KCNIP4: variants seen among roughly 807,000 people sequenced by gnomAD.
KCNIP4 encodes Kv channel-interacting protein 4.
A neutral mutation model predicts 34.0 loss-of-function variants in KCNIP4; 12 were observed. The observed-to-expected ratio is 0.35, with a 90% CI of 0.23 to 0.57. The LOEUF is 0.57. KCNIP4 is among the 20% of genes least tolerant of loss of function. The probability of loss-of-function intolerance (pLI) is 0.83; values close to 1 mark genes in which losing one functional copy is unlikely to be tolerated. For synonymous variants in KCNIP4, 124 were observed against 102.2 expected, an observed-to-expected ratio of 1.21 and a Z score of -1.29; for missense variants, 238 against 311.7, an observed-to-expected ratio of 0.76 and a Z score of 1.78.
At chr4:20,869,054 G>A (rs1232338963) in intron 2 of KCNIP4, among the ~76,000 whole-genome samples, 1 of 152,110 alleles carries the variant, frequency 6.6e-6, no homozygotes, top group African/African-American at 2.4e-5. Context: ...TAATTCATAA[G>A]ATGTTACTGT....
At chr4:21,270,563 T>C (rs750000665) in intron 1 of KCNIP4, among the ~76,000 whole-genome samples, 7 of 152,352 alleles carry the variant, frequency 4.6e-5, no homozygotes, top group East Asian at 3.9e-4. Context: ...ATGATAATTA[T>C]GTATGAAGAA....
rs79654493 is a variant in KCNIP4, at chr4:21,874,477, T to C, written c.61+74094A>G. Among the ~76,000 whole-genome samples, 1,321 of 152,268 alleles carry C rather than the reference T, an allele frequency of 8.7e-3. 15 individuals are homozygous for C. Among genetic ancestry groups the C allele is most frequent in the South Asian group, 0.031 (152 of 4,826 alleles). Reference sequence around the variant, plus strand: ...ACATTAGAATGTATGTTCTCTGGGATCTGACCCACAGAGGGAGAGAGAATG... The same window carrying C: ...ACATTAGAATGTATGTTCTCTGGGACCTGACCCACAGAGGGAGAGAGAATG... On this transcript the variant is annotated intron_variant, in intron 1 of 8. Transcript: ENST00000382152.
rs1033171610 is a variant in KCNIP4, at chr4:21,791,482, T to C, written c.61+157089A>G. 6.6e-5 allele frequency among the ~76,000 whole-genome samples: 10 copies of C among 152,096 alleles called. No homozygotes were observed. In the East Asian group the frequency reaches 1.9e-3, roughly 30 times the overall value. ...ATTTGAAGAAGAAAAGGAGGAAGAATGGGAAGGGTGCTGCTTTTAGAAATT... is the reference window on the plus strand; with the variant it reads ...ATTTGAAGAAGAAAAGGAGGAAGAACGGGAAGGGTGCTGCTTTTAGAAATT... On this transcript the variant is annotated intron_variant, in intron 1 of 8. Coordinates refer to ENST00000382152, the MANE Select transcript of KCNIP4 (RefSeq NM_025221.6).
At chr4:20,769,798 A>C (rs1049224895) in intron 3 of KCNIP4, among the ~76,000 whole-genome samples, 1 of 152,030 alleles carries the variant, frequency 6.6e-6, no homozygotes, top group African/African-American at 2.4e-5. Flanking sequence ...GGTCCCTGTA[A>C]CCTTTTGGCT....
At chr4:20,775,339 C>A (rs1043839381) in intron 3 of KCNIP4, among the ~76,000 whole-genome samples, 1 of 152,088 alleles carries the variant, frequency 6.6e-6, no homozygotes, top group Non-Finnish European at 1.5e-5. Context: ...ATGTAAATAA[C>A]TCAAGATTAT....
At chr4:21,441,235 G>A (rs1037224616) in intron 1 of KCNIP4, among the ~76,000 whole-genome samples, 5 of 149,936 alleles carry the variant, frequency 3.3e-5, no homozygotes, top group East Asian at 2.0e-4. Context: ...TTCACCTCCC[G>A]GCTTCATGCC....
chr4:21,525,439 G>C (rs959951866), intron 1 of KCNIP4, among the ~76,000 whole-genome samples: 1 of 152,068 alleles, frequency 6.6e-6, no homozygotes, highest in Admixed American at 6.6e-5. Flanking sequence ...AAGAGGAGTA[G>C]AGAGGCTTAC....
intron 1 of KCNIP4, among the ~76,000 whole-genome samples, chr4:21,297,081 C>T (rs1166689675): frequency 6.8e-6 from 1 of 147,796 alleles, no homozygotes; most frequent in Non-Finnish European, 1.5e-5. Context: ...TCTGGTAAGT[C>T]AAGTGCTATA....
At chr4:20,775,802 T>G (rs935088855) in intron 3 of KCNIP4, among the ~76,000 whole-genome samples, 3 of 152,170 alleles carry the variant, frequency 2.0e-5, no homozygotes, top group African/African-American at 7.2e-5. Context: ...CTACTGAAAG[T>G]GCTAATAAGT....
chr4:21,239,978 T>C (rs555976378), intron 1 of KCNIP4, among the ~76,000 whole-genome samples: 1 of 152,150 alleles, frequency 6.6e-6, no homozygotes, highest in East Asian at 1.9e-4. Context: ...CCAACCCAAA[T>C]GTCCAACAAT....
At chr4:21,470,165 A>T (rs1280456790) in intron 1 of KCNIP4, among the ~76,000 whole-genome samples, 3 of 152,154 alleles carry the variant, frequency 2.0e-5, no homozygotes, top group Non-Finnish European at 4.4e-5. Flanking sequence ...GATTATTAGA[A>T]CGTGAAGGTT....
At position 21,723,022 on chromosome 4, in the gene KCNIP4, ATCT is replaced by A. The variant is rs1339526032; in HGVS notation, c.61+225546_61+225548del. On this transcript the variant is annotated intron_variant, in intron 1 of 8. Transcript: ENST00000382152. ...AGTTCCATAAGGATTCTCACTGTCT[ATCT>A]ACCTAGACATTTGTTTTACATATAT... Among the ~76,000 whole-genome samples the A allele has an allele frequency of 1.2e-3, 187 of 152,262 alleles. 1 individual carries two copies. The highest frequency in any genetic ancestry group is 4.2e-3 in the African/African-American group (174 of 41,574).
intron 1 of KCNIP4, among the ~76,000 whole-genome samples, chr4:21,482,757 T>C (rs1447553815): frequency 3.9e-5 from 6 of 152,260 alleles, no homozygotes; most frequent in Non-Finnish European, 8.8e-5. Context: ...TTTTCCTTCA[T>C]TTCAACTTTG....
intron 1 of KCNIP4, among the ~76,000 whole-genome samples, chr4:20,965,120 A>G (rs1018330485): frequency 1.3e-5 from 2 of 152,224 alleles, no homozygotes; most frequent in African/African-American, 4.8e-5. Context: ...ACCATAGTTA[A>G]GTGTGAAGAT....
At chr4:21,240,959 T>C (rs543666926) in intron 1 of KCNIP4, among the ~76,000 whole-genome samples, 67 of 152,292 alleles carry the variant, frequency 4.4e-4, no homozygotes, top group African/African-American at 1.5e-3. Context: ...TTGTAATTTA[T>C]AACACAAAAA....
chr4:21,009,844 T>C (rs1244227665), intron 1 of KCNIP4, among the ~76,000 whole-genome samples: 1 of 152,224 alleles, frequency 6.6e-6, no homozygotes, highest in Non-Finnish European at 1.5e-5. Context: ...ACCTTCCTTC[T>C]CATTCAACCG....
intron 3 of KCNIP4, among the ~76,000 whole-genome samples, chr4:20,783,585 C>T (rs1044348105): frequency 1.3e-5 from 2 of 152,126 alleles, no homozygotes; most frequent in African/African-American, 4.8e-5. Flanking sequence ...GGGAACCACA[C>T]CCATTATTTA....
chr4:20,915,958 A>G (rs900917309), intron 1 of KCNIP4, among the ~76,000 whole-genome samples: 1 of 152,160 alleles, frequency 6.6e-6, no homozygotes, highest in African/African-American at 2.4e-5. Context: ...GGTCTTTTCA[A>G]ACTGCATTCT....
intron 1 of KCNIP4, among the ~76,000 whole-genome samples, chr4:21,107,123 G>A (rs1233719434): frequency 6.8e-6 from 1 of 146,950 alleles, no homozygotes; most frequent in Non-Finnish European, 1.5e-5. Flanking sequence ...TCCGCTTGGT[G>A]CAGAGCTGAG....
Sources: allele counts gnomAD v4.1 joint callset (sites outside exome capture counted in the v4.1 genomes callset), GRCh38; gene constraint gnomAD v4.1.1; transcripts MANE v1.5; gene names NCBI Gene and HGNC (gene_info 2026-07-23, HGNC 2026-07-21).